Variants in VPS13B observed in about 807,000 individuals in gnomAD.
VPS13B encodes intermembrane lipid transfer protein VPS13B.
In VPS13B, 285 loss-of-function variants were observed where a neutral mutation model predicts 426.4. The ratio of observed to expected loss-of-function variants is 0.67; its 90% CI spans 0.61 to 0.74. VPS13B has a LOEUF of 0.74. Ranked by LOEUF, VPS13B falls within the 30% of genes least tolerant of loss-of-function variation. VPS13B has a pLI of 0.00. For missense variants in VPS13B, 4,537 were observed against 4,782.6 expected, an observed-to-expected ratio of 0.95 and a Z score of 1.51; for synonymous variants, 1,676 against 1,676.4, an observed-to-expected ratio of 1.00 and a Z score of 0.01.
chr8:99,065,013 TG>T (rs1844405589), intron 3 of VPS13B, among the ~76,000 whole-genome samples: 1 of 152,118 alleles, frequency 6.6e-6, no homozygotes. Flanking sequence ...AAACTAAGCT[TG>T]ATAAGTGAAG....
At chr8:99,419,413 A>G (rs1470254539) in intron 21 of VPS13B, among the ~76,000 whole-genome samples, 1 of 151,180 alleles carries the variant, frequency 6.6e-6, no homozygotes, top group Non-Finnish European at 1.5e-5. Flanking sequence ...AGACTAACAC[A>G]ATTTCCCTTA....
intron 30 of VPS13B, among the ~76,000 whole-genome samples, chr8:99,521,442 A>G (rs1563774284): frequency 6.6e-6 from 1 of 152,254 alleles, no homozygotes; most frequent in Non-Finnish European, 1.5e-5. Context: ...GATCAAAGCT[A>G]TAAAGAAAAG....
intron 19 of VPS13B, among the ~76,000 whole-genome samples, chr8:99,286,625 A>G (rs1300128935): frequency 6.6e-6 from 1 of 152,198 alleles, no homozygotes; most frequent in Non-Finnish European, 1.5e-5. Context: ...TTTGTAAAAT[A>G]GTGTAAAGGC....
At chr8:99,868,217 G>A in intron 58 of VPS13B, 72 bp from the exon 59 acceptor site, 2 of 1,595,614 alleles carry the variant, frequency 1.3e-6, no homozygotes, top group South Asian at 1.1e-5. Context: ...ATAAAACTGT[G>A]TTCCAGATGG....
chr8:99,862,728 G>A (rs1330494934), intron 58 of VPS13B, among the ~76,000 whole-genome samples: 2 of 152,198 alleles, frequency 1.3e-5, no homozygotes, highest in African/African-American at 4.8e-5. Flanking sequence ...TAGAAAAGAT[G>A]AGTTTGAAAG....
intron 39 of VPS13B, among the ~76,000 whole-genome samples, chr8:99,727,647 C>A (rs929624199): frequency 2.6e-5 from 4 of 152,216 alleles, no homozygotes; most frequent in Admixed American, 2.0e-4. Flanking sequence ...ATGAGAAAGA[C>A]CTGCCCCCTG....
intron 3 of VPS13B, among the ~76,000 whole-genome samples, chr8:99,065,882 T>C (rs570608969): frequency 5.3e-5 from 8 of 152,326 alleles, no homozygotes; most frequent in African/African-American, 1.9e-4. Context: ...AGCCAAATCA[T>C]GAGTGAACTC....
intron 24 of VPS13B, among the ~76,000 whole-genome samples, chr8:99,473,072 A>G (rs1011037060): frequency 2.0e-5 from 3 of 152,104 alleles, no homozygotes; most frequent in African/African-American, 7.2e-5. Flanking sequence ...ATTCTATCAA[A>G]TATTCTGGAA....
intron 39 of VPS13B, among the ~76,000 whole-genome samples, chr8:99,748,185 A>G (rs1430532036): frequency 6.6e-6 from 1 of 151,850 alleles, no homozygotes; most frequent in Non-Finnish European, 1.5e-5. Context: ...CACTCCCCAA[A>G]CTCATCTTTT....
chr8:99,294,954 C>G (rs1246926432), intron 19 of VPS13B, among the ~76,000 whole-genome samples: 9 of 152,028 alleles, frequency 5.9e-5, no homozygotes, highest in Non-Finnish European at 1.3e-4. Flanking sequence ...CATTGATGAT[C>G]CTATGTTTGA....
At chr8:99,281,175 C>G (rs751264446) in intron 19 of VPS13B, among the ~76,000 whole-genome samples, 1 of 152,166 alleles carries the variant, frequency 6.6e-6, no homozygotes, top group Non-Finnish European at 1.5e-5. Flanking sequence ...AGGCTTTGTG[C>G]TCCTATGAGC....
chr8:99,064,726 G>A (rs1844380243), intron 3 of VPS13B, among the ~76,000 whole-genome samples: 1 of 152,144 alleles, frequency 6.6e-6, no homozygotes, highest in Non-Finnish European at 1.5e-5. Flanking sequence ...TAGCAAGGCA[G>A]GCCAACATTC....
intron 23 of VPS13B, among the ~76,000 whole-genome samples, chr8:99,462,837 G>C (rs1376398277): frequency 6.6e-6 from 1 of 152,136 alleles, no homozygotes; most frequent in African/African-American, 2.4e-5. Context: ...TCTTGGTCGT[G>C]TGAGAACATG....
At chr8:99,416,653 T>G (rs1184245438) in intron 21 of VPS13B, among the ~76,000 whole-genome samples, 1 of 152,160 alleles carries the variant, frequency 6.6e-6, no homozygotes, top group African/African-American at 2.4e-5. Context: ...CCCTCATGGC[T>G]TCCCTTGGTT....
At chr8:99,566,511 G>A (rs927877314) in intron 31 of VPS13B, among the ~76,000 whole-genome samples, 3 of 151,648 alleles carry the variant, frequency 2.0e-5, no homozygotes, top group African/African-American at 7.3e-5. Flanking sequence ...TGCAGTCTCA[G>A]CTCACTGCAG....
chr8:99,604,124 T>G (rs1487495652), intron 33 of VPS13B, among the ~76,000 whole-genome samples: 1 of 152,150 alleles, frequency 6.6e-6, no homozygotes, highest in Non-Finnish European at 1.5e-5. Context: ...TAGATTCAGT[T>G]ACTAATAAAT....
At chr8:99,847,517 T>A (rs1246113462) in intron 54 of VPS13B, among the ~76,000 whole-genome samples, 4 of 152,150 alleles carry the variant, frequency 2.6e-5, no homozygotes, top group Non-Finnish European at 5.9e-5. Flanking sequence ...GAAAAGTATA[T>A]TCTAGGCGTG....
chr8:99,082,264 T>C (rs1478372736), intron 3 of VPS13B, among the ~76,000 whole-genome samples: 1 of 152,252 alleles, frequency 6.6e-6, no homozygotes, highest in Non-Finnish European at 1.5e-5. Context: ...TGTCTTCTTT[T>C]GATAAGTGTC....
chr8:99,717,536 T>C (rs1832972671), intron 37 of VPS13B, among the ~76,000 whole-genome samples, 163 bp downstream of exon 37: 1 of 152,240 alleles, frequency 6.6e-6, no homozygotes, highest in Non-Finnish European at 1.5e-5. Flanking sequence ...ATAAGTCATA[T>C]ACCAGCAATC....
Sources: allele counts gnomAD v4.1 joint callset (sites outside exome capture counted in the v4.1 genomes callset), GRCh38; gene constraint gnomAD v4.1.1; transcripts MANE v1.5; gene names NCBI Gene and HGNC (gene_info 2026-07-23, HGNC 2026-07-21).